EZH2: variants seen among roughly 807,000 people sequenced by gnomAD.
EZH2 encodes enhancer of zeste 2 polycomb repressive complex 2 subunit.
In EZH2, 18 loss-of-function variants were observed where a neutral mutation model predicts 98.4. That is an observed-to-expected ratio of 0.18 (90% CI 0.13 to 0.27). The LOEUF (loss-of-function observed/expected upper bound fraction) is 0.27. EZH2 is among the 10% of genes least tolerant of loss of function. The pLI is 1.00. For synonymous variants in EZH2, 338 were observed against 312.3 expected (o/e 1.08, Z -0.87); for missense variants, 470 against 935.1 (o/e 0.50, Z 6.49).
At chr7:148,868,076 C>T (rs1818805594) in intron 1 of EZH2, among the ~76,000 whole-genome samples, 1 of 152,184 alleles carries the variant, frequency 6.6e-6, no homozygotes, top group African/African-American at 2.4e-5. Context: ...CTAGGAAGTT[C>T]CAAACATTCC....
intron 3 of EZH2, among the ~76,000 whole-genome samples, chr7:148,839,788 C>T (rs1481067684): frequency 6.6e-6 from 1 of 152,150 alleles, no homozygotes; most frequent in African/African-American, 2.4e-5. Flanking sequence ...CTCAAAAGGT[C>T]TGCCCACCTT....
At chr7:148,816,424 T>C (rs1804573467) in intron 12 of EZH2, among the ~76,000 whole-genome samples, 1 of 152,210 alleles carries the variant, frequency 6.6e-6, no homozygotes, top group Non-Finnish European at 1.5e-5. Flanking sequence ...ACTAAATATG[T>C]TTTTCTTAAC....
At chr7:148,878,571 G>T (rs1214062309) in intron 1 of EZH2, among the ~76,000 whole-genome samples, 1 of 151,438 alleles carries the variant, frequency 6.6e-6, no homozygotes, top group Non-Finnish European at 1.5e-5. Context: ...TTGTTAATTC[G>T]CCTGTTGGCA....
chr7:148,852,269 T>G (rs569485885), intron 1 of EZH2, among the ~76,000 whole-genome samples: 1 of 152,336 alleles, frequency 6.6e-6, no homozygotes, highest in African/African-American at 2.4e-5. Flanking sequence ...TCACAATCTA[T>G]TTTGTGAATC....
chr7:148,857,324 C>G (rs1471759377), intron 1 of EZH2, among the ~76,000 whole-genome samples: 1 of 152,190 alleles, frequency 6.6e-6, no homozygotes, highest in African/African-American at 2.4e-5. Flanking sequence ...ACCAACCAAC[C>G]AACCAACCAA....
At chr7:148,826,401 C>G in intron 8 of EZH2, 53 bp downstream of exon 8, 2 of 1,402,606 alleles carry the variant, frequency 1.4e-6, no homozygotes, top group South Asian at 3.7e-5. Flanking sequence ...ATAGCACTCT[C>G]CAAGCTGCTT....
intron 9 of EZH2, among the ~76,000 whole-genome samples, chr7:148,818,620 C>CT (rs1176959541): frequency 1.3e-5 from 2 of 152,128 alleles, no homozygotes. Context: ...ACATGCTTGA[C>CT]TTTGTCACTT....
At chr7:148,853,518 A>G (rs1194847737) in intron 1 of EZH2, among the ~76,000 whole-genome samples, 4 of 152,218 alleles carry the variant, frequency 2.6e-5, no homozygotes. Flanking sequence ...GCTGCTGCCA[A>G]TCTGACAGGA....
chr7:148,857,609 G>A (rs1442830986), intron 1 of EZH2, among the ~76,000 whole-genome samples: 1 of 152,122 alleles, frequency 6.6e-6, no homozygotes, highest in Non-Finnish European at 1.5e-5. Flanking sequence ...AAATTAGCTG[G>A]GCATGATGGC....
chr7:148,862,582 C>T lies in EZH2; in HGVS notation c.-7-15277G>A, dbSNP rs143732048. Among the ~76,000 whole-genome samples, 38 of 152,044 alleles carry T rather than the reference C, an allele frequency of 2.5e-4. 2 individuals are homozygous for T. Among genetic ancestry groups the T allele is most frequent in the Admixed American group, 2.4e-3 (37 of 15,278 alleles). ...TCTGAATAATCATGGTTTGTCAGACCCTCTTTTAAGTAAAAATGAAATTTC... is the reference window on the plus strand; with the variant it reads ...TCTGAATAATCATGGTTTGTCAGACTCTCTTTTAAGTAAAAATGAAATTTC... On this transcript the variant is annotated intron_variant, in intron 1 of 19. Coordinates refer to ENST00000320356, the MANE Select transcript of EZH2 (RefSeq NM_004456.5).
At chr7:148,830,464 A>AAC (rs1809045114) in intron 4 of EZH2, among the ~76,000 whole-genome samples, 1 of 152,226 alleles carries the variant, frequency 6.6e-6, no homozygotes, top group Non-Finnish European at 1.5e-5. Flanking sequence ...CAGTTATTAA[A>AAC]ACAGCCATTA....
rs35866517 is a variant in EZH2 at position 148,807,814 on chromosome 7, T to TAA, written c.2196-110_2196-109dup. 3.8e-3 allele frequency: 1,521 copies of TAA among 399,012 alleles called. 2 individuals are homozygous for TAA. The highest frequency in any genetic ancestry group is 8.3e-3 in the South Asian group (212 of 25,630). The allele number at this position is 399,012 out of a possible 1,614,324, so 24.7% of individuals were successfully genotyped here. A position where few individuals can be genotyped will look rare whatever the true frequency, so the allele number is the denominator to read the frequency against. Reference sequence around the variant, plus strand: ...GATAGTGGGTGCATTAAAATGTCTTTAAAAAAAAAAAAAAAAAAAAAACCC... The same window carrying TAA: ...GATAGTGGGTGCATTAAAATGTCTTTAAAAAAAAAAAAAAAAAAAAAAAACCC... On this transcript the variant is annotated intron_variant, in intron 19 of 19. Coordinates refer to ENST00000320356, the MANE Select transcript of EZH2 (RefSeq NM_004456.5).
chr7:148,832,765 A>G lies in EZH2; in HGVS notation c.247-15T>C, dbSNP rs1403076050. ...GTCACCGAACACTAAAACAGAAAAA[A>G]TAAAATTGACTCTTAAGAATAAAAG... On this transcript the variant is annotated splice_polypyrimidine_tract_variant and intron_variant, in intron 3 of 19. Coordinates refer to ENST00000320356, the MANE Select transcript of EZH2 (RefSeq NM_004456.5). 6.6e-7 allele frequency: 1 copy of G among 1,519,552 alleles called. No homozygotes were observed. The highest frequency in any genetic ancestry group is 2.3e-5 in the East Asian group (1 of 44,280). The allele number at this position is 1,519,552 out of a possible 1,614,324, so 94.1% of individuals were successfully genotyped here. A position where few individuals can be genotyped will look rare whatever the true frequency, so the allele number is the denominator to read the frequency against.
At chr7:148,861,472 C>G (rs1817657155) in intron 1 of EZH2, among the ~76,000 whole-genome samples, 1 of 151,474 alleles carries the variant, frequency 6.6e-6, no homozygotes, top group South Asian at 2.1e-4. Context: ...GGTGATCCAC[C>G]CGGATTGGCC....
At chr7:148,861,876 T>C (rs1015131022) in intron 1 of EZH2, among the ~76,000 whole-genome samples, 3 of 152,048 alleles carry the variant, frequency 2.0e-5, no homozygotes, top group East Asian at 3.9e-4. Flanking sequence ...ATCTGTCTAA[T>C]AGGAAACGGA....
intron 15 of EZH2, 110 bp downstream of exon 15, chr7:148,813,849 A>G: frequency 1.7e-6 from 2 of 1,150,156 alleles, no homozygotes; most frequent in Non-Finnish European, 2.5e-6. Context: ...TGCACCTTTC[A>G]AGGATCACTT....
chr7:148,812,763 T>A (rs189594031), intron 15 of EZH2, among the ~76,000 whole-genome samples: 17 of 151,848 alleles, frequency 1.1e-4, no homozygotes, highest in Non-Finnish European at 2.1e-4. Context: ...GGAACCAGAG[T>A]CACTGTGATC....
intron 3 of EZH2, among the ~76,000 whole-genome samples, chr7:148,845,917 T>C (rs1260929310): frequency 1.3e-5 from 2 of 152,222 alleles, no homozygotes; most frequent in Admixed American, 6.5e-5. Context: ...GATTCTACCA[T>C]AGATTTACTG....
At chr7:148,840,963 A>G (rs1052606767) in intron 3 of EZH2, among the ~76,000 whole-genome samples, 4 of 152,188 alleles carry the variant, frequency 2.6e-5, no homozygotes, top group Non-Finnish European at 5.9e-5. Context: ...CATGATCTTT[A>G]TAACAATAAT....
Sources: gnomAD v4.1 joint callset for allele counts (sites outside exome capture counted in the v4.1 genomes callset) on GRCh38, gnomAD v4.1.1 for gene constraint, MANE v1.5 for transcripts, NCBI Gene and HGNC (gene_info 2026-07-23, HGNC 2026-07-21) for gene names.